MARCHF1: variants seen among roughly 807,000 people sequenced by gnomAD.
MARCHF1 encodes E3 ubiquitin-protein ligase MARCHF1.
A neutral mutation model predicts 54.2 loss-of-function variants in MARCHF1; 40 were observed. The observed-to-expected ratio is 0.74, with a 90% CI of 0.57 to 0.96. The LOEUF (loss-of-function observed/expected upper bound fraction) is 0.96. Among genes scored for constraint, MARCHF1 ranks in the 40% least tolerant of loss-of-function variants. The pLI is 0.00. For missense variants in MARCHF1, 586 were observed against 656.5 expected, an observed-to-expected ratio of 0.89 and a Z score of 1.17; for synonymous variants, 236 against 236.3, an observed-to-expected ratio of 1.00 and a Z score of 0.01.
At chr4:164,254,011 T>C (rs970966424) in intron 1 of MARCHF1, among the ~76,000 whole-genome samples, 3 of 152,160 alleles carry the variant, frequency 2.0e-5, no homozygotes, top group Admixed American at 6.6e-5. Context: ...GTATGGAAGG[T>C]GGTGCTACTG....
chr4:163,982,701 C>G (rs1404235697), intron 3 of MARCHF1, among the ~76,000 whole-genome samples: 1 of 152,070 alleles, frequency 6.6e-6, no homozygotes, highest in Admixed American at 6.5e-5. Flanking sequence ...TTTTTTTTCT[C>G]TCTCTATGTT....
intron 1 of MARCHF1, among the ~76,000 whole-genome samples, chr4:164,187,507 G>C (rs575227493): frequency 6.6e-6 from 1 of 152,088 alleles, no homozygotes; most frequent in African/African-American, 2.4e-5. Context: ...AGGACCTGGG[G>C]GGATGGGGAT....
intron 4 of MARCHF1, among the ~76,000 whole-genome samples, chr4:163,818,519 A>T (rs1470391072): frequency 6.6e-6 from 1 of 152,138 alleles, no homozygotes; most frequent in African/African-American, 2.4e-5. Context: ...AATTGTGGTT[A>T]GATAATTCTT....
chr4:164,053,882 A>C (rs1754425929), intron 2 of MARCHF1, among the ~76,000 whole-genome samples: 1 of 152,222 alleles, frequency 6.6e-6, no homozygotes, highest in Admixed American at 6.5e-5. Flanking sequence ...CTTCATGTCT[A>C]AAACACCAAA....
chr4:164,225,486 T>C (rs368153040), intron 1 of MARCHF1, among the ~76,000 whole-genome samples: 1 of 151,920 alleles, frequency 6.6e-6, no homozygotes, highest in East Asian at 1.9e-4. Flanking sequence ...ATAGTAAACA[T>C]GGAAAAAACT....
chr4:163,560,482 A>G (rs972755836), intron 8 of MARCHF1, among the ~76,000 whole-genome samples: 2 of 152,158 alleles, frequency 1.3e-5, no homozygotes, highest in African/African-American at 4.8e-5. Flanking sequence ...GTCATTTTTC[A>G]AAGTTAACTT....
rs138054709 is a variant in MARCHF1, at chr4:163,620,606, CAGAGAGAGAGAGAGAGAG to C, written c.163-7231_163-7214del. Reference sequence around the variant, plus strand: ...ACACACACACACACACACACACACACAGAGAGAGAGAGAGAGAGAGAGAGAGAGAGAGAGAGAGAGACA... The same window carrying C: ...ACACACACACACACACACACACACACAGAGAGAGAGAGAGAGAGAGAGACA... On this transcript the variant is annotated intron_variant, in intron 5 of 9. Transcript: ENST00000514618. Among the ~76,000 whole-genome samples the C allele has an allele frequency of 1.9e-3, 110 of 56,938 alleles. 2 individuals are homozygous for C. In the Middle Eastern group the frequency reaches 0.032, roughly 17 times the overall value. 37.4% of individuals were successfully genotyped at this position (56,938 alleles called of 152,430 possible). A position where few individuals can be genotyped will look rare whatever the true frequency, so the allele number is the denominator to read the frequency against.
intron 3 of MARCHF1, among the ~76,000 whole-genome samples, chr4:163,963,539 A>G (rs116679769): frequency 1.1e-3 from 166 of 152,044 alleles, no homozygotes; most frequent in Non-Finnish European, 2.1e-3. Context: ...AACATTTTCA[A>G]GAGATTGTCA....
chr4:163,867,884 C>T (rs1750088523), intron 3 of MARCHF1, among the ~76,000 whole-genome samples: 1 of 148,896 alleles, frequency 6.7e-6, no homozygotes, highest in Non-Finnish European at 1.5e-5. Context: ...ATTCATTTCC[C>T]TGTTATTTCT....
chr4:163,969,449 A>T (rs1250131821), intron 3 of MARCHF1, among the ~76,000 whole-genome samples: 1 of 152,220 alleles, frequency 6.6e-6, no homozygotes, highest in Non-Finnish European at 1.5e-5. Context: ...GGAGATATTG[A>T]TTCTTGCCAA....
intron 4 of MARCHF1, among the ~76,000 whole-genome samples, chr4:163,769,941 C>A (rs1747106385): frequency 6.6e-6 from 1 of 152,012 alleles, no homozygotes; most frequent in Non-Finnish European, 1.5e-5. Flanking sequence ...CAAGACTAAC[C>A]CCCCTTTTCC....
intron 4 of MARCHF1, among the ~76,000 whole-genome samples, chr4:163,802,095 C>G (rs946227803): frequency 6.6e-6 from 1 of 150,508 alleles, no homozygotes; most frequent in Non-Finnish European, 1.5e-5. Context: ...ATAGACTTCT[C>G]ATTCAATTCA....
chr4:164,351,902 AG>A, intron 1 of MARCHF1, among the ~76,000 whole-genome samples: 1 of 151,556 alleles, frequency 6.6e-6, no homozygotes, highest in East Asian at 2.0e-4. Flanking sequence ...GAACCAATAC[AG>A]ACAAGTGCTT....
intron 2 of MARCHF1, among the ~76,000 whole-genome samples, chr4:164,083,443 T>C (rs995389388): frequency 6.6e-6 from 1 of 152,112 alleles, no homozygotes; most frequent in African/African-American, 2.4e-5. Flanking sequence ...GCTCCATTCC[T>C]GGCTCATAAG....
intron 9 of MARCHF1, among the ~76,000 whole-genome samples, chr4:163,536,890 A>C (rs1738555034): frequency 1.3e-5 from 2 of 152,034 alleles, no homozygotes; most frequent in South Asian, 4.1e-4. Flanking sequence ...TGGGAAGTCA[A>C]ATCTCCCACA....
intron 1 of MARCHF1, among the ~76,000 whole-genome samples, chr4:164,283,916 A>G (rs1248101771): frequency 6.6e-6 from 1 of 151,020 alleles, no homozygotes; most frequent in African/African-American, 2.4e-5. Context: ...TTATCATTAG[A>G]AACATCAATA....
chr4:163,717,757 G>A (rs1484596529), intron 4 of MARCHF1, among the ~76,000 whole-genome samples: 1 of 152,268 alleles, frequency 6.6e-6, no homozygotes, highest in African/African-American at 2.4e-5. Context: ...GTGATAATGA[G>A]CATTTTTTCA....
rs573556015 is a variant in MARCHF1 at position 164,294,527 on chromosome 4, T to A, written c.-323+89343A>T. 2.6e-5 allele frequency among the ~76,000 whole-genome samples: 4 copies of A among 152,286 alleles called. No homozygotes were observed. In the South Asian group the frequency reaches 8.3e-4, roughly 32 times the overall value. On this transcript the variant is annotated intron_variant, in intron 1 of 9. Coordinates refer to ENST00000514618, the MANE Select transcript of MARCHF1 (RefSeq NM_001394959.1). ...TTTTTCACATGCTGCAAAAAACAAC[T>A]GCTTCCTAACGTTTTCTACATTTCT...
intron 3 of MARCHF1, among the ~76,000 whole-genome samples, chr4:163,962,790 C>T (rs973627475): frequency 6.6e-6 from 1 of 151,546 alleles, no homozygotes; most frequent in African/African-American, 2.4e-5. Flanking sequence ...TCCTATACCA[C>T]TTTTTTTTAA....
Sources: gnomAD v4.1 joint callset for allele counts (sites outside exome capture counted in the v4.1 genomes callset) on GRCh38, gnomAD v4.1.1 for gene constraint, MANE v1.5 for transcripts, NCBI Gene and HGNC (gene_info 2026-07-23, HGNC 2026-07-21) for gene names.